Variants in FAM171A1 observed in about 807,000 individuals in gnomAD.
The protein encoded by FAM171A1 is protein FAM171A1.
In FAM171A1, 23 loss-of-function variants were observed where a neutral mutation model predicts 74.9. The observed-to-expected ratio is 0.31, with a 90% CI of 0.22 to 0.44. The LOEUF (loss-of-function observed/expected upper bound fraction) is 0.44. FAM171A1 is among the 20% of genes least tolerant of loss of function. FAM171A1 has a pLI of 1.00. For missense variants in FAM171A1, 1,162 were observed against 1,159.2 expected (o/e 1.00, Z -0.03); for synonymous variants, 527 against 505.7 (o/e 1.04, Z -0.57).
chr10:15,309,428 G>A (rs1042424956), intron 1 of FAM171A1, among the ~76,000 whole-genome samples: 2 of 152,254 alleles, frequency 1.3e-5, no homozygotes, highest in South Asian at 2.1e-4. Flanking sequence ...GGCTGGTCTT[G>A]AACTCCTGGT....
At position 15,254,620 on chromosome 10, in the gene FAM171A1, T is replaced by C. The variant is rs140712623; in HGVS notation, c.577+101A>G. On this transcript the variant is annotated intron_variant, in intron 4 of 7. Coordinates refer to ENST00000378116, the MANE Select transcript of FAM171A1 (RefSeq NM_001010924.2). ...ATTCCCCTTCTGCACCTTCAGTGCCTTTCTCCCACATAGTGCTAAAACTCC... is the reference window on the plus strand; with the variant it reads ...ATTCCCCTTCTGCACCTTCAGTGCCCTTCTCCCACATAGTGCTAAAACTCC... The C allele has an allele frequency of 5.7e-4, 765 of 1,333,492 alleles. 5 individuals are homozygous for C. The African/African-American group carries it at 9.8e-3, about 17-fold the overall frequency. The allele number at this position is 1,333,492 out of a possible 1,614,324, so 82.6% of individuals were successfully genotyped here. A position where few individuals can be genotyped will look rare whatever the true frequency, so the allele number is the denominator to read the frequency against.
At chr10:15,289,182 G>C (rs770394646) in intron 1 of FAM171A1, among the ~76,000 whole-genome samples, 1 of 152,056 alleles carries the variant, frequency 6.6e-6, no homozygotes, top group South Asian at 2.1e-4. Context: ...ACTGAGAATG[G>C]GACTCTCCAT....
intron 5 of FAM171A1, among the ~76,000 whole-genome samples, chr10:15,236,447 T>A (rs1177379543): frequency 6.6e-6 from 1 of 152,034 alleles, no homozygotes. Context: ...GGGGCTATTA[T>A]GATCCCCATT....
intron 5 of FAM171A1, among the ~76,000 whole-genome samples, chr10:15,238,384 C>T (rs1052250630): frequency 6.6e-6 from 1 of 152,140 alleles, no homozygotes; most frequent in Non-Finnish European, 1.5e-5. Flanking sequence ...GAGGTGCCTT[C>T]GCTACAATTG....
intron 1 of FAM171A1, among the ~76,000 whole-genome samples, chr10:15,354,587 C>T (rs1367399484): frequency 2.6e-5 from 4 of 152,128 alleles, no homozygotes; most frequent in Admixed American, 6.5e-5. Context: ...GAGCCAGGCC[C>T]GGGGAAGCAC....
In FAM171A1 at chr10:15,213,328, T is replaced by C; in HGVS notation, c.2260A>G (p.Lys754Glu). 1.9e-6 allele frequency: 3 copies of C among 1,614,116 alleles called. No homozygotes were observed. The African/African-American group carries it at 4.0e-5, about 22-fold the overall frequency. Residue 754 changes from lysine to glutamate, a missense_variant, in exon 8 of 8, where the codon AAG becomes GAG. Coordinates refer to ENST00000378116, the MANE Select transcript of FAM171A1 (RefSeq NM_001010924.2). The surrounding 1 kb of genome is among the most constrained non-coding windows in gnomAD (Gnocchi z 6.8). Reference sequence around the variant, plus strand: ...AGAGACAAAGCATCTCCCCTTCCCTTCCGGGCTGATTTTGGTTCATTCATA... The same window carrying C: ...AGAGACAAAGCATCTCCCCTTCCCTCCCGGGCTGATTTTGGTTCATTCATA... ...VDMNEPKSAR[K>E]GRGDALSLQQ...
chr10:15,270,745 T>C (rs754207148), intron 3 of FAM171A1, among the ~76,000 whole-genome samples: 9 of 152,210 alleles, frequency 5.9e-5, no homozygotes, highest in Non-Finnish European at 1.2e-4. Flanking sequence ...CAGCCTCCGC[T>C]GGTGATACCC....
chr10:15,278,282 T>C (rs886835840), intron 2 of FAM171A1, among the ~76,000 whole-genome samples: 2 of 152,190 alleles, frequency 1.3e-5, no homozygotes, highest in African/African-American at 4.8e-5. Context: ...ACACGCAGAA[T>C]GGGCCAGGTA....
At chr10:15,327,999 G>T (rs185224588) in intron 1 of FAM171A1, among the ~76,000 whole-genome samples, 1 of 147,236 alleles carries the variant, frequency 6.8e-6, no homozygotes, top group African/African-American at 2.5e-5. Flanking sequence ...CTCTCAGTCC[G>T]AAAACTTGCC....
intron 3 of FAM171A1, among the ~76,000 whole-genome samples, chr10:15,272,931 A>G (rs1834845712): frequency 6.6e-6 from 1 of 152,252 alleles, no homozygotes; most frequent in East Asian, 1.9e-4. Context: ...AGTCCACAAG[A>G]GAAAACAGGA....
chr10:15,305,308 G>C (rs1335850073), intron 1 of FAM171A1, among the ~76,000 whole-genome samples: 2 of 152,152 alleles, frequency 1.3e-5, no homozygotes, highest in South Asian at 2.1e-4. Context: ...GGTTAGGTAA[G>C]CACAATAAAA....
At chr10:15,312,697 T>G (rs1835377564) in intron 1 of FAM171A1, among the ~76,000 whole-genome samples, 5 of 122,334 alleles carry the variant, frequency 4.1e-5, no homozygotes, top group South Asian at 6.1e-4. Context: ...TTTTTTTTTT[T>G]TTTTTTTTTT....
At chr10:15,327,650 C>CTAAA (rs57436945) in intron 1 of FAM171A1, among the ~76,000 whole-genome samples, 13,991 of 151,838 alleles carry the variant, frequency 0.092, 692 homozygotes, top group Middle Eastern at 0.11. Flanking sequence ...GACTCTGTCT[C>CTAAA]TAAATAAATA....
intron 5 of FAM171A1, among the ~76,000 whole-genome samples, chr10:15,222,767 G>A (rs1169090016): frequency 6.6e-6 from 1 of 152,226 alleles, no homozygotes; most frequent in African/African-American, 2.4e-5. Context: ...CCTGGCAGCC[G>A]CTCCTCTGCT....
At chr10:15,243,800 TATA>T (rs1204776061) in intron 5 of FAM171A1, among the ~76,000 whole-genome samples, 7 of 15,438 alleles carry the variant, frequency 4.5e-4, no homozygotes, top group African/African-American at 1.2e-3. Flanking sequence ...ACAGTCAATG[TATA>T]CATTGACTGA....
intron 1 of FAM171A1, among the ~76,000 whole-genome samples, chr10:15,363,709 C>A (rs980101403): frequency 2.6e-5 from 4 of 152,138 alleles, no homozygotes; most frequent in African/African-American, 7.2e-5. Context: ...CCATCAGTGA[C>A]CCCTTCAGCT....
intron 5 of FAM171A1, among the ~76,000 whole-genome samples, chr10:15,231,377 A>T (rs1834203136): frequency 2.0e-5 from 3 of 151,770 alleles, no homozygotes; most frequent in Admixed American, 6.6e-5. Context: ...CTAAATTTTT[A>T]TTTTTTATAG....
At chr10:15,363,687 G>A (rs1472844308) in intron 1 of FAM171A1, among the ~76,000 whole-genome samples, 1 of 152,090 alleles carries the variant, frequency 6.6e-6, no homozygotes, top group Non-Finnish European at 1.5e-5. Context: ...AGTCCCATAT[G>A]ACTCCACCAA....
intron 1 of FAM171A1, among the ~76,000 whole-genome samples, chr10:15,296,561 GA>G (rs1417324586): frequency 2.6e-5 from 4 of 152,178 alleles, no homozygotes; most frequent in Non-Finnish European, 5.9e-5. Context: ...ATCCAGAAGA[GA>G]AAGGACTGTG....
Sources: gnomAD v4.1 joint callset for allele counts (sites outside exome capture counted in the v4.1 genomes callset) on GRCh38, gnomAD v4.1.1 for gene constraint, Gnocchi (gnomAD v3.1) non-coding constraint, MANE v1.5 for transcripts, NCBI Gene and HGNC (gene_info 2026-07-23, HGNC 2026-07-21) for gene names.